Variants in C2orf76 observed in about 807,000 individuals in gnomAD.
C2orf76 encodes the protein UPF0538 protein C2orf76.
A neutral mutation model predicts 16.9 loss-of-function variants in C2orf76; 23 were observed. That is an observed-to-expected ratio of 1.36 (90% CI 0.98 to 1.93). The LOEUF (loss-of-function observed/expected upper bound fraction) is 1.93. Among genes scored for constraint, C2orf76 ranks in the 30% most tolerant of loss-of-function variants. The pLI, the probability that C2orf76 is intolerant of heterozygous loss-of-function variation, is 0.00. For missense variants in C2orf76, 152 were observed against 152.6 expected, an observed-to-expected ratio of 1.00 and a Z score of 0.02; for synonymous variants, 48 against 52.3, an observed-to-expected ratio of 0.92 and a Z score of 0.35.
intron 1 of C2orf76, among the ~76,000 whole-genome samples, chr2:119,363,567 T>C (rs72831286): frequency 0.057 from 8,732 of 152,276 alleles, 306 homozygotes; most frequent in Non-Finnish European, 0.08. Context: ...CCTCGCCTTA[T>C]AGTAACTCTA....
chr2:119,302,341 A>G lies in C2orf76; in HGVS notation c.*131T>C. The G allele has an allele frequency of 2.2e-6, 1 of 446,000 alleles. No homozygotes were observed. The highest frequency in any genetic ancestry group is 3.5e-5 in the East Asian group (1 of 28,796). 27.6% of individuals were successfully genotyped at this position (446,000 alleles called of 1,614,324 possible). ...GAAGGAAAGACCTGAAGAGAAAGAA[A>G]TAACCAGATTTTAGCTCAAAGAGTA... On this transcript the variant is annotated 3_prime_UTR_variant, in exon 6 of 6. Transcript: ENST00000334816.
intron 3 of C2orf76, among the ~76,000 whole-genome samples, chr2:119,320,391 G>A (rs943878613): frequency 6.6e-6 from 1 of 152,012 alleles, no homozygotes; most frequent in Non-Finnish European, 1.5e-5. Context: ...ATTCAATATT[G>A]AGTATGTAAA....
At chr2:119,315,030 T>G (rs1047735794) in intron 4 of C2orf76, among the ~76,000 whole-genome samples, 3 of 152,208 alleles carry the variant, frequency 2.0e-5, no homozygotes, top group African/African-American at 7.2e-5. Context: ...CAGCAGCATT[T>G]TAAGTTTTCT....
At chr2:119,333,228 T>G (rs1213603391) in intron 2 of C2orf76, among the ~76,000 whole-genome samples, 1 of 152,136 alleles carries the variant, frequency 6.6e-6, no homozygotes, top group African/African-American at 2.4e-5. Context: ...AAGAGAGGCT[T>G]CAAGGGACGG....
At chr2:119,346,254 C>A (rs969341218) in intron 1 of C2orf76, among the ~76,000 whole-genome samples, 8 of 151,898 alleles carry the variant, frequency 5.3e-5, no homozygotes, top group African/African-American at 1.9e-4. Flanking sequence ...CTAAACATAC[C>A]CATTATATAA....
chr2:119,349,539 T>C (rs1401635034), intron 1 of C2orf76, among the ~76,000 whole-genome samples: 2 of 152,120 alleles, frequency 1.3e-5, no homozygotes. Context: ...AAATCTGCTT[T>C]TAACATATCC....
At chr2:119,334,550 C>T (rs1679782120) in intron 2 of C2orf76, among the ~76,000 whole-genome samples, 1 of 151,588 alleles carries the variant, frequency 6.6e-6, no homozygotes, top group Non-Finnish European at 1.5e-5. Context: ...ATTAGCCAGG[C>T]ATGGTGGCAT....
chr2:119,286,468 G>T, the C2orf76 span, among the ~76,000 whole-genome samples: 1 of 152,062 alleles, frequency 6.6e-6, no homozygotes, highest in Admixed American at 6.5e-5. Context: ...TGGCAGCATG[G>T]TGTGCCCAGA....
the C2orf76 span, among the ~76,000 whole-genome samples, chr2:119,294,539 G>C: frequency 6.6e-6 from 1 of 152,142 alleles, no homozygotes; most frequent in African/African-American, 2.4e-5. Flanking sequence ...GCCCAGGCAC[G>C]AGGGAGGACA....
chr2:119,285,453 G>C, the C2orf76 span, among the ~76,000 whole-genome samples: 1 of 152,180 alleles, frequency 6.6e-6, no homozygotes, highest in South Asian at 2.1e-4. Context: ...CCCCAGTGGG[G>C]CTTTTTCCCA....
rs538072721 is a variant in C2orf76 at position 119,352,520 on chromosome 2, G to C, written c.-12-12549C>G. ...GCAGCCAAACTTTCAGCCAATACAG[G>C]CTGCAAACTGCCAAAACATGTCAAA... is the stretch of plus-strand genomic sequence containing the variant. On this transcript the variant is annotated intron_variant, in intron 1 of 5. Coordinates refer to ENST00000334816, the MANE Select transcript of C2orf76 (RefSeq NM_001322331.2). Among the ~76,000 whole-genome samples, 94 of 152,292 alleles carry C rather than the reference G, an allele frequency of 6.2e-4. 5 individuals carry two copies. The South Asian group carries it at 0.019, about 31-fold the overall frequency.
intron 1 of C2orf76, 86 bp from the exon 2 acceptor site, chr2:119,340,057 T>G (rs980602782): frequency 1.4e-6 from 2 of 1,428,642 alleles, no homozygotes; most frequent in African/African-American, 2.8e-5. Flanking sequence ...ATCAGCTCTC[T>G]GGCACCAGCC....
chr2:119,352,083 C>T (rs910410134), intron 1 of C2orf76, among the ~76,000 whole-genome samples: 2 of 152,196 alleles, frequency 1.3e-5, no homozygotes, highest in African/African-American at 4.8e-5. Flanking sequence ...AGCACTCAGG[C>T]ACTAAGGCAG....
At chr2:119,354,422 G>T (rs1231205481) in intron 1 of C2orf76, among the ~76,000 whole-genome samples, 2 of 152,212 alleles carry the variant, frequency 1.3e-5, no homozygotes, top group Non-Finnish European at 1.5e-5. Context: ...CTACTGGGAG[G>T]TTGAGGCACG....
At chr2:119,293,785 G>T in the C2orf76 span, among the ~76,000 whole-genome samples, 1 of 152,204 alleles carries the variant, frequency 6.6e-6, no homozygotes, top group Non-Finnish European at 1.5e-5. Context: ...AGAAAAAAGA[G>T]ATATATATCC....
intron 2 of C2orf76, among the ~76,000 whole-genome samples, chr2:119,329,518 G>C (rs1679607705): frequency 6.6e-6 from 1 of 152,110 alleles, no homozygotes; most frequent in Non-Finnish European, 1.5e-5. Context: ...TATGGTTAAA[G>C]TTTGCTATTC....
At chr2:119,324,500 A>T (rs979502496) in intron 2 of C2orf76, among the ~76,000 whole-genome samples, 1 of 152,202 alleles carries the variant, frequency 6.6e-6, no homozygotes, top group Non-Finnish European at 1.5e-5. Flanking sequence ...GGCCCATAAC[A>T]AATTATCACA....
At chr2:119,339,367 G>A (rs558410089) in intron 2 of C2orf76, among the ~76,000 whole-genome samples, 5 of 152,178 alleles carry the variant, frequency 3.3e-5, no homozygotes, top group Non-Finnish European at 5.9e-5. Flanking sequence ...TAGCACCGCC[G>A]TTTCTGTGTC....
chr2:119,332,096 T>C (rs1377909667), intron 2 of C2orf76, among the ~76,000 whole-genome samples: 1 of 152,082 alleles, frequency 6.6e-6, no homozygotes, highest in Non-Finnish European at 1.5e-5. Flanking sequence ...GAGTCTGAAA[T>C]GTTAAAACAC....
Sources: allele counts gnomAD v4.1 joint callset (sites outside exome capture counted in the v4.1 genomes callset), GRCh38; gene constraint gnomAD v4.1.1; transcripts MANE v1.5; gene names NCBI Gene and HGNC (gene_info 2026-07-23, HGNC 2026-07-21).